Variants in CTNNA3 observed in about 807,000 individuals in gnomAD.
The protein encoded by CTNNA3 is catenin alpha 3.
A neutral mutation model predicts 95.7 loss-of-function variants in CTNNA3; 76 were observed. The observed-to-expected ratio is 0.79, with a 90% CI of 0.66 to 0.96. The LOEUF (loss-of-function observed/expected upper bound fraction) is 0.96, where lower values mean the gene tolerates loss of function less well. Among genes scored for constraint, CTNNA3 ranks in the 40% least tolerant of loss-of-function variants. CTNNA3 has a pLI of 0.00. For synonymous variants in CTNNA3, 431 were observed against 374.4 expected (o/e 1.15, Z -1.74); for missense variants, 1,191 against 1,089.8 (o/e 1.09, Z -1.31).
chr10:67,606,742 C>T (rs1400275546), intron 3 of CTNNA3, 115 bp downstream of exon 3: 8 of 806,312 alleles, frequency 9.9e-6, no homozygotes, highest in African/African-American at 1.7e-5. Context: ...CCTCACAGCT[C>T]TGCAAAAGAC....
chr10:67,362,268 T>A (rs976582902), intron 5 of CTNNA3, among the ~76,000 whole-genome samples: 4 of 152,034 alleles, frequency 2.6e-5, no homozygotes, highest in Non-Finnish European at 5.9e-5. Flanking sequence ...TAACTCATTG[T>A]TCAAAGCCAG....
intron 12 of CTNNA3, among the ~76,000 whole-genome samples, chr10:66,288,329 GACTTCTGTAA>G (rs2091624202): frequency 6.6e-6 from 1 of 151,314 alleles, no homozygotes; most frequent in African/African-American, 2.4e-5. Context: ...GTACATTTTT[GACTTCTGTAA>G]ACTTTTTAAG....
chr10:67,516,766 C>T (rs967124555), intron 5 of CTNNA3, among the ~76,000 whole-genome samples: 24 of 152,252 alleles, frequency 1.6e-4, no homozygotes, highest in African/African-American at 5.5e-4. Flanking sequence ...ATTTCCTCCA[C>T]CCACCAATCC....
chr10:66,337,466 T>A (rs1387926510), intron 12 of CTNNA3, among the ~76,000 whole-genome samples: 2 of 152,114 alleles, frequency 1.3e-5, no homozygotes, highest in East Asian at 3.9e-4. Context: ...GATATTGTGC[T>A]CCTCTCTTTT....
At chr10:67,620,598 ATAAAC>A (rs1843798234) in intron 2 of CTNNA3, among the ~76,000 whole-genome samples, 1 of 152,194 alleles carries the variant, frequency 6.6e-6, no homozygotes, top group African/African-American at 2.4e-5. Flanking sequence ...CTTACGAAAG[ATAAAC>A]TAAAGTGTGC....
intron 7 of CTNNA3, among the ~76,000 whole-genome samples, chr10:66,967,333 CAT>C (rs558943403): frequency 1.6e-4 from 23 of 140,888 alleles, no homozygotes; most frequent in South Asian, 2.4e-4. Flanking sequence ...TGGATATAGA[CAT>C]ATATATATAT....
At chr10:66,443,104 G>T (rs1589256714) in intron 11 of CTNNA3, among the ~76,000 whole-genome samples, 1 of 152,156 alleles carries the variant, frequency 6.6e-6, no homozygotes, top group Admixed American at 6.5e-5. Flanking sequence ...CAGGGAGGCT[G>T]GGGGAGGGGC....
chr10:67,732,148 TTTTA>T (rs1841278768), intron 1 of CTNNA3, among the ~76,000 whole-genome samples: 1 of 152,062 alleles, frequency 6.6e-6, no homozygotes, highest in Non-Finnish European at 1.5e-5. Flanking sequence ...ACTTGAGTTT[TTTTA>T]TTTGTCTAAA....
At chr10:66,793,236 G>A (rs1269723414) in intron 7 of CTNNA3, among the ~76,000 whole-genome samples, 5 of 152,036 alleles carry the variant, frequency 3.3e-5, no homozygotes, top group Non-Finnish European at 5.9e-5. Flanking sequence ...GACCTTCCCA[G>A]GTGCAGGTGA....
intron 8 of CTNNA3, among the ~76,000 whole-genome samples, chr10:66,772,488 G>A (rs530335616): frequency 2.1e-4 from 32 of 151,990 alleles, no homozygotes; most frequent in Non-Finnish European, 4.0e-4. Flanking sequence ...GTGTGATGAG[G>A]AGGACACAAC....
chr10:66,467,710 G>C (rs1838974180), intron 11 of CTNNA3, among the ~76,000 whole-genome samples: 1 of 151,958 alleles, frequency 6.6e-6, no homozygotes. Context: ...CGCATAAAAG[G>C]GTTTAGAAAA....
chr10:66,544,153 G>A (rs1440888093), intron 10 of CTNNA3, among the ~76,000 whole-genome samples: 1 of 151,566 alleles, frequency 6.6e-6, no homozygotes, highest in Non-Finnish European at 1.5e-5. Flanking sequence ...GTCCCCTTTG[G>A]CATTAAATAT....
chr10:67,123,232 A>T (rs916036632), intron 7 of CTNNA3, among the ~76,000 whole-genome samples: 2 of 152,162 alleles, frequency 1.3e-5, no homozygotes, highest in African/African-American at 4.8e-5. Flanking sequence ...TTCCTGAATA[A>T]AACTGATAAG....
intron 5 of CTNNA3, among the ~76,000 whole-genome samples, chr10:67,238,285 G>C (rs1865581511): frequency 6.6e-6 from 1 of 152,210 alleles, no homozygotes; most frequent in Admixed American, 6.5e-5. Flanking sequence ...AAGGCTACAG[G>C]ACCTGCATCC....
intron 9 of CTNNA3, among the ~76,000 whole-genome samples, chr10:66,648,340 T>C (rs985143768): frequency 6.6e-6 from 1 of 152,106 alleles, no homozygotes; most frequent in Non-Finnish European, 1.5e-5. Context: ...TGGCCCGCCA[T>C]GGTGAATGAG....
chr10:66,509,040 C>T (rs1840564724), intron 11 of CTNNA3, among the ~76,000 whole-genome samples: 1 of 152,038 alleles, frequency 6.6e-6, no homozygotes, highest in Non-Finnish European at 1.5e-5. Flanking sequence ...GCATCAACAC[C>T]AGCGTTTGTT....
chr10:66,906,047 A>C (rs1169282591), intron 7 of CTNNA3, among the ~76,000 whole-genome samples: 2 of 152,198 alleles, frequency 1.3e-5, no homozygotes, highest in African/African-American at 4.8e-5. Flanking sequence ...TAAATGAAAA[A>C]GGAATAACAG....
chr10:67,291,914 T>A (rs1312366578), intron 5 of CTNNA3, among the ~76,000 whole-genome samples: 1 of 152,182 alleles, frequency 6.6e-6, no homozygotes, highest in Non-Finnish European at 1.5e-5. Flanking sequence ...ATGAGAGCCT[T>A]CAGAATGAAA....
intron 7 of CTNNA3, among the ~76,000 whole-genome samples, chr10:66,850,964 T>C (rs1333042060): frequency 6.6e-6 from 1 of 152,134 alleles, no homozygotes; most frequent in Non-Finnish European, 1.5e-5. Context: ...GGATTTTAAA[T>C]TATTTTTCTA....
Sources: allele counts gnomAD v4.1 joint callset (sites outside exome capture counted in the v4.1 genomes callset), GRCh38; gene constraint gnomAD v4.1.1; transcripts MANE v1.5; gene names NCBI Gene and HGNC (gene_info 2026-07-23, HGNC 2026-07-21).